SMARCD1: variants seen among roughly 807,000 people sequenced by gnomAD.
The protein encoded by SMARCD1 is SWI/SNF-related matrix-associated actin-dependent regulator of chromatin subfamily D member 1.
A neutral mutation model predicts 70.8 loss-of-function variants in SMARCD1; 16 were observed. The ratio of observed to expected loss-of-function variants is 0.23; its 90% CI spans 0.15 to 0.34. The LOEUF (loss-of-function observed/expected upper bound fraction) is 0.34. Ranked by LOEUF, SMARCD1 falls within the 10% of genes least tolerant of loss-of-function variation. The pLI is 1.00. For synonymous variants in SMARCD1, 249 were observed against 246.0 expected (o/e 1.01, Z -0.11); for missense variants, 409 against 655.5 (o/e 0.62, Z 4.11).
chr12:50,085,404 C>T lies in SMARCD1; in HGVS notation c.35C>T (p.Pro12Leu). 1 of 1,256,646 alleles carries T rather than the reference C, an allele frequency of 8.0e-7. No individual in the cohort carries two copies. The highest frequency in any genetic ancestry group is 1.0e-6 in the Non-Finnish European group (1 of 1,002,962). The allele number at this position is 1,256,646 out of a possible 1,614,324, so 77.8% of individuals were successfully genotyped here. Residue 12 changes from proline to leucine, a missense_variant, in exon 1 of 13, where the codon CCA (proline) becomes CTA (leucine). Coordinates refer to ENST00000394963, the MANE Select transcript of SMARCD1 (RefSeq NM_003076.5). ...CGGGCGGGTTTCCAGTCTGTGGCTC[C>T]AAGCGGCGGCGCCGGAGCCTCAGGA... is the stretch of plus-strand genomic sequence containing the variant. ...AARAGFQSVAPSGGAGASGGA... is the reference protein window; with the variant it reads ...AARAGFQSVALSGGAGASGGA...
At chr12:50,087,914 T>C (rs543005725) in intron 5 of SMARCD1, among the ~76,000 whole-genome samples, 7 of 152,282 alleles carry the variant, frequency 4.6e-5, no homozygotes, top group African/African-American at 1.7e-4. Context: ...TGACAGGCTC[T>C]TTGTTGCTTC....
chr12:50,098,274 C>T (rs1950910153), intron 11 of SMARCD1, among the ~76,000 whole-genome samples: 1 of 152,212 alleles, frequency 6.6e-6, no homozygotes, highest in African/African-American at 2.4e-5. Flanking sequence ...TTTCAAACAA[C>T]AGGCTTGTCT....
Position 50,099,222 on chromosome 12 carries a change from A to G in SMARCD1, c.*222A>G. On this transcript the variant is annotated 3_prime_UTR_variant, in exon 13 of 13. Transcript: ENST00000394963. ...CTTCCCTTTGCCCCACAAAGTTCCC[A>G]TGTGCCTGTACCCTCCCCTGGTCTA... 1.6e-6 allele frequency: 1 copy of G among 616,466 alleles called. No homozygotes were observed. The highest frequency in any genetic ancestry group is 2.7e-5 in the East Asian group (1 of 36,678). 38.2% of individuals were successfully genotyped at this position (616,466 alleles called of 1,614,324 possible). A position where few individuals can be genotyped will look rare whatever the true frequency, so the allele number is the denominator to read the frequency against.
intron 9 of SMARCD1, among the ~76,000 whole-genome samples, chr12:50,092,059 C>T (rs1950848625): frequency 6.6e-6 from 1 of 151,972 alleles, no homozygotes; most frequent in African/African-American, 2.4e-5. Flanking sequence ...ATTCCATTAC[C>T]TCTGTTCACT....
chr12:50,086,713 G>T, intron 3 of SMARCD1, 43 bp from the exon 4 acceptor site: 3 of 1,613,994 alleles, frequency 1.9e-6, no homozygotes, highest in Non-Finnish European at 2.5e-6. Context: ...TTTGAGTATA[G>T]AGATGATCAT....
chr12:50,097,027 C>A (rs904154950), intron 11 of SMARCD1, 55 bp downstream of exon 11: 22 of 1,512,590 alleles, frequency 1.5e-5, no homozygotes, highest in Non-Finnish European at 1.4e-5. Context: ...TGCACAGCTG[C>A]TTTATTCATG....
rs60619880 is a variant in SMARCD1, at chr12:50,092,235, C to CTTTTTTTTTTTTTTTTTTTT, written c.1133+1648_1133+1667dup. ...TTCTTTTCTTTTCTTTTCTTTCTTT[C>CTTTTTTTTTTTTTTTTTTTT]TTTTTTTTTTTTTTTTTTTTTTGAG... On this transcript the variant is annotated intron_variant, in intron 9 of 12. Coordinates refer to ENST00000394963, the MANE Select transcript of SMARCD1 (RefSeq NM_003076.5). 3.9e-4 allele frequency among the ~76,000 whole-genome samples: 36 copies of CTTTTTTTTTTTTTTTTTTTT among 91,150 alleles called. 1 individual carries two copies. Among genetic ancestry groups the CTTTTTTTTTTTTTTTTTTTT allele is most frequent in the Non-Finnish European group, 5.0e-4 (25 of 50,322 alleles). The allele number at this position is 91,150 out of a possible 152,430, so 59.8% of individuals were successfully genotyped here.
chr12:50,093,608 G>T (rs1364767530), intron 9 of SMARCD1, among the ~76,000 whole-genome samples: 1 of 151,988 alleles, frequency 6.6e-6, no homozygotes, highest in Non-Finnish European at 1.5e-5. Flanking sequence ...CTCGCCTCCT[G>T]AGCAGCTGGG....
At chr12:50,095,158 T>C (rs750635028) in intron 10 of SMARCD1, among the ~76,000 whole-genome samples, 2 of 152,202 alleles carry the variant, frequency 1.3e-5, no homozygotes, top group African/African-American at 2.4e-5. Flanking sequence ...GTGTAAAGAC[T>C]TGAGACTGTA....
Position 50,085,442 on chromosome 12 carries a change from G to A in SMARCD1, c.73G>A (p.Ala25Thr), listed in dbSNP as rs1950777252. ...CGGAGCCTCAGGAGGGGCGGGCGCG[G>A]CTGCTGCCTTGGGCCCGGGCGGAAC... ...GAGASGGAGA[A>T]AALGPGGTPG... is the part of the protein sequence containing the mutation. The change falls in exon 1 of 13, where the codon GCT (alanine) becomes ACT (threonine). Residue 25 changes from alanine to threonine, a missense_variant. By Grantham distance (58) the Ala-to-Thr change is moderately conservative. Coordinates refer to ENST00000394963, the MANE Select transcript of SMARCD1 (RefSeq NM_003076.5). 1.6e-6 allele frequency: 2 copies of A among 1,240,384 alleles called. No individual in the cohort carries two copies. 76.8% of individuals were successfully genotyped at this position (1,240,384 alleles called of 1,614,324 possible).
chr12:50,085,501 G>T lies in SMARCD1; in HGVS notation c.132G>T (p.Pro44=). 9 of 1,239,368 alleles carry T rather than the reference G, an allele frequency of 7.3e-6. No homozygotes were observed. The highest frequency in any genetic ancestry group is 9.1e-6 in the Non-Finnish European group (9 of 991,382). The allele number at this position is 1,239,368 out of a possible 1,614,324, so 76.8% of individuals were successfully genotyped here. A position where few individuals can be genotyped will look rare whatever the true frequency, so the allele number is the denominator to read the frequency against. The change falls in exon 1 of 13, where the codon CCG becomes CCT. Residue 44 remains proline, a synonymous_variant. Transcript: ENST00000394963. The part of the protein sequence containing the change: ...PGPPVRMGPA[P]GQGLYRSPMP... ...CTCCTGTGCGAATGGGCCCGGCTCCGGGTCAAGGGCTGTACCGCTCCCCGA... is the reference window on the plus strand; with the variant it reads ...CTCCTGTGCGAATGGGCCCGGCTCCTGGTCAAGGGCTGTACCGCTCCCCGA...
chr12:50,093,627 T>C (rs564153422), intron 9 of SMARCD1, among the ~76,000 whole-genome samples: 13 of 152,084 alleles, frequency 8.5e-5, no homozygotes, highest in Non-Finnish European at 1.5e-5. Context: ...GGACCACAGA[T>C]GTGTGCCACC....
chr12:50,086,705 T>TGA, intron 3 of SMARCD1, 42 bp downstream of exon 3: 1 of 1,614,072 alleles, frequency 6.2e-7, no homozygotes, highest in Non-Finnish European at 8.5e-7. Flanking sequence ...GTGGTGAGTT[T>TGA]GAGTATAGAG....
chr12:50,095,203 C>G (rs1369626020), intron 10 of SMARCD1, among the ~76,000 whole-genome samples: 1 of 152,196 alleles, frequency 6.6e-6, no homozygotes, highest in Non-Finnish European at 1.5e-5. Context: ...GTAACTTCTG[C>G]TACTATTATT....
At chr12:50,087,740 C>T (rs1950804270) in intron 5 of SMARCD1, among the ~76,000 whole-genome samples, 1 of 151,820 alleles carries the variant, frequency 6.6e-6, no homozygotes. Context: ...CTTGGTGCTG[C>T]TGGCCATTGG....
intron 1 of SMARCD1, 107 bp from the exon 2 acceptor site, chr12:50,086,054 C>A (rs149975938): frequency 1.4e-5 from 12 of 836,970 alleles, no homozygotes; most frequent in Middle Eastern, 4.9e-4. Context: ...TCCATTCCAT[C>A]CCTAAACCTT....
chr12:50,097,733 A>C (rs1167663354), intron 11 of SMARCD1, among the ~76,000 whole-genome samples: 10 of 150,596 alleles, frequency 6.6e-5, no homozygotes, highest in Admixed American at 6.6e-4. Flanking sequence ...CTCTACTAAA[A>C]TAAAAAAATC....
chr12:50,092,095 G>A (rs1950848996), intron 9 of SMARCD1, among the ~76,000 whole-genome samples: 1 of 152,086 alleles, frequency 6.6e-6, no homozygotes. Context: ...TGGAGAGCAA[G>A]GCATCTCTAG....
chr12:50,086,150 C>G lies in SMARCD1; in HGVS notation c.178-11C>G. ...AAACCATGACATCTCTGGGTCCTCT[C>G]CCCTCTGTAGAGACCAGGTATGTTG... On this transcript the variant is annotated splice_polypyrimidine_tract_variant and intron_variant, in intron 1 of 12. Coordinates refer to ENST00000394963, the MANE Select transcript of SMARCD1 (RefSeq NM_003076.5). 2 of 1,490,786 alleles carry G rather than the reference C, an allele frequency of 1.3e-6. No individual in the cohort carries two copies. The highest frequency in any genetic ancestry group is 1.8e-6 in the Non-Finnish European group (2 of 1,113,700). 92.3% of individuals were successfully genotyped at this position (1,490,786 alleles called of 1,614,324 possible). A position where few individuals can be genotyped will look rare whatever the true frequency, so the allele number is the denominator to read the frequency against.
Sources: gnomAD v4.1 joint callset for allele counts (sites outside exome capture counted in the v4.1 genomes callset) on GRCh38, gnomAD v4.1.1 for gene constraint, MANE v1.5 for transcripts, NCBI Gene and HGNC (gene_info 2026-07-23, HGNC 2026-07-21) for gene names.